Variants in ACSS3 observed in about 807,000 individuals in gnomAD.
ACSS3 encodes the protein acyl-CoA synthetase short-chain family member 3, mitochondrial.
Under a neutral mutation model 84.2 loss-of-function variants are expected in ACSS3, and 64 were observed. The ratio of observed to expected loss-of-function variants is 0.76; its 90% CI spans 0.62 to 0.94. The LOEUF (loss-of-function observed/expected upper bound fraction) is 0.94, where lower values mean the gene tolerates loss of function less well. Ranked by LOEUF, ACSS3 falls within the 40% of genes least tolerant of loss-of-function variation. ACSS3 has a pLI of 0.00. For missense variants in ACSS3, 815 were observed against 867.6 expected, an observed-to-expected ratio of 0.94 and a Z score of 0.76; for synonymous variants, 317 against 310.1, an observed-to-expected ratio of 1.02 and a Z score of -0.23.
At chr12:81,148,844 G>A (rs1886470236) in intron 5 of ACSS3, among the ~76,000 whole-genome samples, 1 of 147,386 alleles carries the variant, frequency 6.8e-6, no homozygotes, top group Admixed American at 6.9e-5. Context: ...GGCAGATCAC[G>A]AGGTCTGGAG....
intron 2 of ACSS3, among the ~76,000 whole-genome samples, chr12:81,125,082 T>C (rs112049807): frequency 0.048 from 7,355 of 152,094 alleles, 456 homozygotes; most frequent in African/African-American, 0.14. Flanking sequence ...GGCGTGGTGG[T>C]GGGCGCCTGT....
At chr12:81,133,522 C>T (rs1390071335) in intron 2 of ACSS3, among the ~76,000 whole-genome samples, 1 of 152,096 alleles carries the variant, frequency 6.6e-6, no homozygotes, top group Non-Finnish European at 1.5e-5. Flanking sequence ...TTGTATTTCA[C>T]TGATGTTCTC....
chr12:81,255,147 T>A lies in ACSS3; in HGVS notation c.*225T>A. 1 of 387,690 alleles carries A rather than the reference T, an allele frequency of 2.6e-6. No individual in the cohort carries two copies. Among genetic ancestry groups the A allele is most frequent in the Non-Finnish European group, 4.6e-6 (1 of 218,328 alleles). 24.0% of individuals were successfully genotyped at this position (387,690 alleles called of 1,614,324 possible). A position where few individuals can be genotyped will look rare whatever the true frequency, so the allele number is the denominator to read the frequency against. ...GTTATTAGTTATCTATAACATGGCTTATTGAATGTCATCTACTGCTTTAGG... is the reference window on the plus strand; with the variant it reads ...GTTATTAGTTATCTATAACATGGCTAATTGAATGTCATCTACTGCTTTAGG... On this transcript the variant is annotated 3_prime_UTR_variant, in exon 16 of 16. Coordinates refer to ENST00000548058, the MANE Select transcript of ACSS3 (RefSeq NM_024560.4).
chr12:81,210,907 T>C (rs1344306061), intron 9 of ACSS3, among the ~76,000 whole-genome samples: 1 of 152,234 alleles, frequency 6.6e-6, no homozygotes. Context: ...AGAATAATTA[T>C]TTTTCACATA....
At chr12:81,165,950 G>A (rs1887383447) in intron 7 of ACSS3, among the ~76,000 whole-genome samples, 1 of 152,128 alleles carries the variant, frequency 6.6e-6, no homozygotes, top group African/African-American at 2.4e-5. Flanking sequence ...TTTATACATT[G>A]TTTTAATTAT....
intron 7 of ACSS3, among the ~76,000 whole-genome samples, chr12:81,160,960 A>T (rs1176394885): frequency 6.6e-6 from 1 of 152,368 alleles, no homozygotes; most frequent in East Asian, 1.9e-4. Context: ...TTAATCTGTG[A>T]ATAAATATTT....
rs1178028331 is a variant in ACSS3 at position 81,221,722 on chromosome 12, C to CT, written c.1514+1646_1514+1647insT. On this transcript the variant is annotated intron_variant, in intron 11 of 15. Transcript: ENST00000548058. ...AGAGCTGGTTCAAATTTGACCTGTT[C>CT]AAGGGAAAAGCAGCAGGGGAAGAAG... 4.6e-5 allele frequency among the ~76,000 whole-genome samples: 7 copies of CT among 152,104 alleles called. No individual in the cohort carries two copies. In the East Asian group the frequency reaches 1.4e-3, roughly 29 times the overall value.
At chr12:81,128,307 A>G (rs1885250319) in intron 2 of ACSS3, among the ~76,000 whole-genome samples, 1 of 152,166 alleles carries the variant, frequency 6.6e-6, no homozygotes, top group African/African-American at 2.4e-5. Context: ...AACCAATGAC[A>G]GGACATTTAT....
intron 11 of ACSS3, among the ~76,000 whole-genome samples, chr12:81,228,198 T>C (rs541385967): frequency 3.3e-5 from 5 of 151,998 alleles, no homozygotes; most frequent in Admixed American, 1.3e-4. Flanking sequence ...AATAATTAGA[T>C]GAAAGCCAAA....
At chr12:81,080,016 G>C (rs943922183) in intron 1 of ACSS3, among the ~76,000 whole-genome samples, 1 of 152,140 alleles carries the variant, frequency 6.6e-6, no homozygotes, top group African/African-American at 2.4e-5. Flanking sequence ...TTGCATCACT[G>C]TTTCTCAAAG....
rs557563708 is a variant in ACSS3 at position 81,255,041 on chromosome 12, T to C, written c.*119T>C. The C allele has an allele frequency of 6.1e-6, 6 of 985,966 alleles. No homozygotes were observed. Among genetic ancestry groups the C allele is most frequent in the Middle Eastern group, 3.3e-4 (1 of 3,006 alleles). The allele number at this position is 985,966 out of a possible 1,614,324, so 61.1% of individuals were successfully genotyped here. A position where few individuals can be genotyped will look rare whatever the true frequency, so the allele number is the denominator to read the frequency against. ...AATTACTTGCAAAATGAAATGTGAA[T>C]TGTAAAACTTGGCCTAAACAAATCT... On this transcript the variant is annotated 3_prime_UTR_variant, in exon 16 of 16. Transcript: ENST00000548058.
intron 8 of ACSS3, among the ~76,000 whole-genome samples, chr12:81,196,961 T>G (rs1236089404): frequency 6.6e-6 from 1 of 152,152 alleles, no homozygotes; most frequent in Non-Finnish European, 1.5e-5. Context: ...ATCACCAATT[T>G]AGTTCATCCT....
rs114809607 is a variant in ACSS3, at chr12:81,228,188, A to C, written c.1515-2869A>C. Among the ~76,000 whole-genome samples the C allele has an allele frequency of 1.1e-3, 167 of 151,970 alleles. 2 individuals are homozygous for C. Among genetic ancestry groups the C allele is most frequent in the African/African-American group, 3.9e-3 (163 of 41,510 alleles). Reference sequence around the variant, plus strand: ...ATTTGGTGATTGTTACCAACCTTCGAATAATTAGATGAAAGCCAAAGACAT... The same window carrying C: ...ATTTGGTGATTGTTACCAACCTTCGCATAATTAGATGAAAGCCAAAGACAT... On this transcript the variant is annotated intron_variant, in intron 11 of 15. Transcript: ENST00000548058.
chr12:81,078,258 C>T lies in ACSS3; in HGVS notation c.138C>T (p.Leu46=), dbSNP rs765985041. ...ALVVPGPRGG[L]GGRGCRALSS... is the part of the protein sequence containing the mutation. ...TGGTCCCGGGCCCGCGGGGCGGTCTCGGGGGCCGGGGATGCAGGGCACTGT... is the reference window on the plus strand; with the variant it reads ...TGGTCCCGGGCCCGCGGGGCGGTCTTGGGGGCCGGGGATGCAGGGCACTGT... Residue 46 remains leucine (L), a synonymous_variant, in exon 1 of 16, where the codon CTC becomes CTT. Coordinates refer to ENST00000548058, the MANE Select transcript of ACSS3 (RefSeq NM_024560.4). 5 of 1,609,188 alleles carry T rather than the reference C, an allele frequency of 3.1e-6. No individual in the cohort carries two copies. Among genetic ancestry groups the T allele is most frequent in the Admixed American group, 1.7e-5 (1 of 59,796 alleles).
chr12:81,196,496 T>G (rs1593184656), intron 8 of ACSS3, among the ~76,000 whole-genome samples: 2 of 152,180 alleles, frequency 1.3e-5, no homozygotes, highest in South Asian at 4.1e-4. Context: ...TCTCTGAATG[T>G]GGCTACTAGA....
intron 3 of ACSS3, among the ~76,000 whole-genome samples, chr12:81,138,341 C>A (rs73359359): frequency 0.044 from 6,687 of 152,260 alleles, 367 homozygotes; most frequent in African/African-American, 0.12. Context: ...GACATCCAAA[C>A]TTGGCCTTAT....
rs559797980 is a variant in ACSS3 at position 81,178,331 on chromosome 12, G to T, written c.1250+3392G>T. ...GACTGTTGTGGGATGGGGGGAGGGG[G>T]CAGGGATAGCATTAGGAGATATACC... On this transcript the variant is annotated intron_variant, in intron 8 of 15. Coordinates refer to ENST00000548058, the MANE Select transcript of ACSS3 (RefSeq NM_024560.4). Among the ~76,000 whole-genome samples, 108 of 141,274 alleles carry T rather than the reference G, an allele frequency of 7.6e-4. 4 individuals are homozygous for T. Among genetic ancestry groups the T allele is most frequent in the Middle Eastern group, 3.6e-3 (1 of 276 alleles). 92.7% of individuals were successfully genotyped at this position (141,274 alleles called of 152,430 possible). A position where few individuals can be genotyped will look rare whatever the true frequency, so the allele number is the denominator to read the frequency against.
chr12:81,098,136 G>GAA (rs1882204178), intron 1 of ACSS3, among the ~76,000 whole-genome samples: 1 of 108,452 alleles, frequency 9.2e-6, no homozygotes, highest in Non-Finnish European at 1.9e-5. Context: ...GTATGAGAGA[G>GAA]AGAGAGAGAG....
chr12:81,128,100 C>T (rs1354825399), intron 2 of ACSS3, among the ~76,000 whole-genome samples: 1 of 151,934 alleles, frequency 6.6e-6, no homozygotes, highest in Non-Finnish European at 1.5e-5. Context: ...TATTTATAAA[C>T]CAAATATATG....
Sources: allele counts gnomAD v4.1 joint callset (sites outside exome capture counted in the v4.1 genomes callset), GRCh38; gene constraint gnomAD v4.1.1; transcripts MANE v1.5; gene names NCBI Gene and HGNC (gene_info 2026-07-23, HGNC 2026-07-21).